Variants in NOVA2 observed in about 807,000 individuals in gnomAD.
The protein encoded by NOVA2 is RNA-binding protein Nova-2.
NOVA2 carries 9 observed loss-of-function variants against 22.5 expected under a neutral mutation model. The observed-to-expected ratio is 0.40, with a 90% confidence interval of 0.24 to 0.70. NOVA2 has a LOEUF of 0.70. NOVA2 is among the 30% of genes least tolerant of loss of function. The pLI, the probability that NOVA2 is intolerant of heterozygous loss-of-function variation, is 0.38. For missense variants in NOVA2, 383 were observed against 682.8 expected (o/e 0.56, Z 4.89); for synonymous variants, 318 against 335.2 (o/e 0.95, Z 0.56).
At chr19:45,952,624 C>A (rs1967942315) in intron 3 of NOVA2, among the ~76,000 whole-genome samples, 1 of 152,220 alleles carries the variant, frequency 6.6e-6, no homozygotes, top group Admixed American at 6.5e-5. Flanking sequence ...TGGCCACGAC[C>A]AAGGCGGAGG....
Position 45,940,093 on chromosome 19 carries a change from G to A in NOVA2, c.1249C>T (p.Leu417=). 6.2e-7 allele frequency: 1 copy of A among 1,613,676 alleles called. No individual in the cohort carries two copies. Among genetic ancestry groups the A allele is most frequent in the Non-Finnish European group, 8.5e-7 (1 of 1,179,916 alleles). The change falls in exon 4 of 4, where the codon CTG becomes TTG. Residue 417 remains leucine (L), a synonymous_variant. Coordinates refer to ENST00000263257, the MANE Select transcript of NOVA2 (RefSeq NM_002516.4). ...CCCTTCCCCAGGATGGCTCCCACCA[G>A]GTTCTCAGGCACCGCAATCTCCACC... is the stretch of plus-strand genomic sequence containing the variant. ...ELVEIAVPEN[L]VGAILGKGGK...
Position 45,935,867 on chromosome 19 carries a change from A to T in NOVA2, c.*3996T>A, listed in dbSNP as rs17651994. On this transcript the variant is annotated 3_prime_UTR_variant, in exon 4 of 4. Transcript: ENST00000263257. ...GGAGAGGAAATACACCTCGGAGATAAGCGACACCCTGGTGTTCCAAGTAGA... is the reference window on the plus strand; with the variant it reads ...GGAGAGGAAATACACCTCGGAGATATGCGACACCCTGGTGTTCCAAGTAGA... The T allele has an allele frequency of 0.2, 30,272 of 152,110 alleles. 3,944 individuals are homozygous for T. Among genetic ancestry groups the T allele is most frequent in the South Asian group, 0.26 (1,258 of 4,808 alleles). 9.4% of individuals were successfully genotyped at this position (152,110 alleles called of 1,614,324 possible). A position where few individuals can be genotyped will look rare whatever the true frequency, so the allele number is the denominator to read the frequency against.
At chr19:45,964,863 T>A (rs1257891432) in intron 1 of NOVA2, among the ~76,000 whole-genome samples, 1 of 152,070 alleles carries the variant, frequency 6.6e-6, no homozygotes, top group Non-Finnish European at 1.5e-5. Context: ...GCCTGGCCTC[T>A]GCCTGGCCTC....
At position 45,939,277 on chromosome 19, in the gene NOVA2, C is replaced by G. The variant is rs590189; in HGVS notation, c.*586G>C. The G allele has an allele frequency of 2.6e-5, 4 of 152,134 alleles. No individual in the cohort carries two copies. The highest frequency in any genetic ancestry group is 5.9e-5 in the Non-Finnish European group (4 of 68,090). 9.4% of individuals were successfully genotyped at this position (152,134 alleles called of 1,614,324 possible). A position where few individuals can be genotyped will look rare whatever the true frequency, so the allele number is the denominator to read the frequency against. Reference sequence around the variant, plus strand: ...GAGTAGCTGAGAAGATCTGGGAACTCTGGGGTCCTTGCTCCAAATGCCCCA... The same window carrying G: ...GAGTAGCTGAGAAGATCTGGGAACTGTGGGGTCCTTGCTCCAAATGCCCCA... On this transcript the variant is annotated 3_prime_UTR_variant, in exon 4 of 4. Transcript: ENST00000263257.
At chr19:45,959,830 GAGAGAGAGAGAGAA>G (rs1426912305) in intron 2 of NOVA2, among the ~76,000 whole-genome samples, 3 of 150,932 alleles carry the variant, frequency 2.0e-5, no homozygotes, top group East Asian at 1.9e-4. Context: ...GGGAGAGAGA[GAGAGAGAGAGAGAA>G]AGAGAGAGAG....
intron 1 of NOVA2, among the ~76,000 whole-genome samples, chr19:45,965,271 C>A (rs1254532954): frequency 6.6e-6 from 1 of 152,190 alleles, no homozygotes; most frequent in African/African-American, 2.4e-5. Flanking sequence ...TCTCTCCCAG[C>A]CAGAGCATCT....
intron 2 of NOVA2, 38 bp downstream of exon 2, chr19:45,960,972 G>A (rs1280528708): frequency 3.2e-6 from 5 of 1,548,400 alleles, no homozygotes; most frequent in Non-Finnish European, 4.4e-6. Context: ...GGGAGGAAGG[G>A]CGGGGGGCCT....
chr19:45,958,586 AGT>A (rs1037590687), intron 2 of NOVA2, among the ~76,000 whole-genome samples: 158 of 148,810 alleles, frequency 1.1e-3, no homozygotes, highest in African/African-American at 2.9e-3. Context: ...AGTGTGAATG[AGT>A]GTGTGTGAGC....
intron 2 of NOVA2, among the ~76,000 whole-genome samples, chr19:45,959,004 A>T (rs935739184): frequency 6.6e-6 from 1 of 152,142 alleles, no homozygotes; most frequent in Non-Finnish European, 1.5e-5. Flanking sequence ...CCTGACTGGG[A>T]TGTGAGAACC....
chr19:45,960,938 T>G, intron 2 of NOVA2, 72 bp downstream of exon 2: 1 of 1,464,648 alleles, frequency 6.8e-7, no homozygotes, highest in Non-Finnish European at 9.2e-7. Flanking sequence ...CCCCCTCATC[T>G]AGGGCCCAGG....
At position 45,938,951 on chromosome 19, in the gene NOVA2, G is replaced by C. The variant is rs1291421095; in HGVS notation, c.*912C>G. ...CATTGAGACATCACAGGAAGTACCT[G>C]CTCCCTTATGTTCACAGGAAGTAAC... On this transcript the variant is annotated 3_prime_UTR_variant, in exon 4 of 4. Transcript: ENST00000263257. 1 of 152,184 alleles carries C rather than the reference G, an allele frequency of 6.6e-6. No homozygotes were observed. The highest frequency in any genetic ancestry group is 1.5e-5 in the Non-Finnish European group (1 of 68,026). The allele number at this position is 152,184 out of a possible 1,614,324, so 9.4% of individuals were successfully genotyped here.
intron 1 of NOVA2, among the ~76,000 whole-genome samples, chr19:45,963,600 C>T (rs185763683): frequency 2.6e-3 from 389 of 150,944 alleles, no homozygotes; most frequent in Non-Finnish European, 4.2e-3. Flanking sequence ...GGCGCGATCT[C>T]GGCTCACTGC....
intron 3 of NOVA2, among the ~76,000 whole-genome samples, chr19:45,942,415 C>A (rs1967774064): frequency 6.6e-6 from 1 of 152,120 alleles, no homozygotes; most frequent in African/African-American, 2.4e-5. Flanking sequence ...ACCAACCCTG[C>A]TGACACCTTG....
At chr19:45,972,890 C>T (rs979753350) in intron 1 of NOVA2, among the ~76,000 whole-genome samples, 3 of 152,100 alleles carry the variant, frequency 2.0e-5, no homozygotes, top group Non-Finnish European at 4.4e-5. Context: ...GCCTCTACTC[C>T]TTCCCCTCCC....
chr19:45,943,754 T>G (rs1160996699), intron 3 of NOVA2, among the ~76,000 whole-genome samples: 1 of 148,624 alleles, frequency 6.7e-6, no homozygotes, highest in African/African-American at 2.5e-5. Flanking sequence ...AGAACCCAAC[T>G]GACACAGTGA....
At chr19:45,964,399 T>TGTGTG (rs1968141974) in intron 1 of NOVA2, among the ~76,000 whole-genome samples, 1 of 124,744 alleles carries the variant, frequency 8.0e-6, no homozygotes, top group Non-Finnish European at 1.7e-5. Flanking sequence ...TGTGTGTGTG[T>TGTGTG]ATTTTTAGTA....
intron 3 of NOVA2, among the ~76,000 whole-genome samples, chr19:45,952,634 G>T (rs1345834364): frequency 1.3e-5 from 2 of 152,170 alleles, no homozygotes; most frequent in East Asian, 3.9e-4. Context: ...CAAGGCGGAG[G>T]GAAGAGGCAA....
chr19:45,940,937 C>A lies in NOVA2; in HGVS notation c.405G>T (p.Leu135=). 6.2e-7 allele frequency: 1 copy of A among 1,601,834 alleles called. No individual in the cohort carries two copies. Among genetic ancestry groups the A allele is most frequent in the Non-Finnish European group, 8.5e-7 (1 of 1,179,148 alleles). ...MNPDRAKQAK[L]IVPNSTAGLI... is the part of the protein sequence containing the mutation. Reference sequence around the variant, plus strand: ...GGCCCGCCGTGCTGTTGGGGACGATCAGCTTGGCCTGCGTGGGGAGCAAAA... The same window carrying A: ...GGCCCGCCGTGCTGTTGGGGACGATAAGCTTGGCCTGCGTGGGGAGCAAAA... Residue 135 remains leucine (L), a synonymous_variant, in exon 4 of 4, where the codon CTG becomes CTT. Coordinates refer to ENST00000263257, the MANE Select transcript of NOVA2 (RefSeq NM_002516.4).
rs768276559 is a variant in NOVA2, at chr19:45,936,873, T to G, written c.*2990A>C. 7 of 151,276 alleles carry G rather than the reference T, an allele frequency of 4.6e-5. No homozygotes were observed. Among genetic ancestry groups the G allele is most frequent in the Non-Finnish European group, 8.9e-5 (6 of 67,768 alleles). 9.4% of individuals were successfully genotyped at this position (151,276 alleles called of 1,614,324 possible). ...CCACTCAGAGACTCTGAGATCGGAT[T>G]GGCTAATAGGGAGACGGGGAAAAAA... On this transcript the variant is annotated 3_prime_UTR_variant, in exon 4 of 4. Transcript: ENST00000263257.
Sources: gnomAD v4.1 joint callset for allele counts (sites outside exome capture counted in the v4.1 genomes callset) on GRCh38, gnomAD v4.1.1 for gene constraint, MANE v1.5 for transcripts, NCBI Gene and HGNC (gene_info 2026-07-23, HGNC 2026-07-21) for gene names.